The following TMEM131 variants were observed in gnomAD, a reference collection of about 807,000 sequenced individuals.
TMEM131 encodes the protein transmembrane protein 131, also known as 2610524E03Rik.
TMEM131 carries 66 observed loss-of-function variants against 211.6 expected under a neutral mutation model. The ratio of observed to expected loss-of-function variants is 0.31; its 90% CI spans 0.26 to 0.38. The LOEUF is 0.38. Ranked by LOEUF, TMEM131 falls within the 10% of genes least tolerant of loss-of-function variation. The pLI, the probability that TMEM131 is intolerant of heterozygous loss-of-function variation, is 1.00. For missense variants in TMEM131, 2,036 were observed against 2,299.3 expected, an observed-to-expected ratio of 0.89 and a Z score of 2.34; for synonymous variants, 844 against 841.3, an observed-to-expected ratio of 1.00 and a Z score of -0.06.
At chr2:97,816,707 G>A (rs1300986139) in intron 12 of TMEM131, among the ~76,000 whole-genome samples, 1 of 152,112 alleles carries the variant, frequency 6.6e-6, no homozygotes, top group African/African-American at 2.4e-5. Context: ...TCTGACGTAA[G>A]ACTGATTACA....
chr2:97,794,368 A>T (rs567703348), intron 29 of TMEM131, among the ~76,000 whole-genome samples: 1 of 152,154 alleles, frequency 6.6e-6, no homozygotes, highest in Non-Finnish European at 1.5e-5. Flanking sequence ...GCCATCTCAC[A>T]TGGAGGTTTT....
chr2:97,777,078 G>A (rs780979079), intron 31 of TMEM131, among the ~76,000 whole-genome samples: 1 of 152,148 alleles, frequency 6.6e-6, no homozygotes, highest in African/African-American at 2.4e-5. Context: ...TGTGTGCTGG[G>A]AACATAGTAG....
intron 5 of TMEM131, among the ~76,000 whole-genome samples, chr2:97,855,691 C>A (rs1673812222): frequency 7.2e-6 from 1 of 138,152 alleles, no homozygotes; most frequent in African/African-American, 2.8e-5. Flanking sequence ...CAGAGAGAGA[C>A]CCTGTCTCAA....
chr2:97,885,206 T>A (rs1675097614), intron 4 of TMEM131, among the ~76,000 whole-genome samples: 1 of 150,958 alleles, frequency 6.6e-6, no homozygotes, highest in Admixed American at 6.6e-5. Flanking sequence ...TGTGAAAGAT[T>A]TTTTTTTTTG....
chr2:97,918,624 A>G (rs114245156), intron 2 of TMEM131, among the ~76,000 whole-genome samples: 1,694 of 152,248 alleles, frequency 0.011, 37 homozygotes, highest in African/African-American at 0.039. Context: ...AACAACAACA[A>G]AAAGGCGGGT....
intron 10 of TMEM131, among the ~76,000 whole-genome samples, chr2:97,833,801 G>C (rs533598179): frequency 6.6e-6 from 1 of 152,018 alleles, no homozygotes; most frequent in Non-Finnish European, 1.5e-5. Context: ...GGGATTACAG[G>C]CATGTACCAC....
intron 2 of TMEM131, among the ~76,000 whole-genome samples, chr2:97,918,903 C>G (rs1349322359): frequency 6.6e-6 from 1 of 152,206 alleles, no homozygotes; most frequent in Non-Finnish European, 1.5e-5. Context: ...CATGTGATTT[C>G]AGGCAGCATT....
intron 1 of TMEM131, among the ~76,000 whole-genome samples, chr2:97,976,998 A>G (rs534297647): frequency 1.3e-3 from 190 of 150,754 alleles, no homozygotes; most frequent in Non-Finnish European, 2.3e-3. Flanking sequence ...TACAAAACTC[A>G]TATCATATGT....
intron 8 of TMEM131, among the ~76,000 whole-genome samples, chr2:97,835,129 T>C (rs1160979562): frequency 2.6e-5 from 4 of 152,206 alleles, no homozygotes; most frequent in African/African-American, 7.2e-5. Flanking sequence ...CTGTTTAGAA[T>C]TGATGAAATA....
At chr2:97,807,713 T>C (rs1321015744) in intron 19 of TMEM131, among the ~76,000 whole-genome samples, 1 of 152,224 alleles carries the variant, frequency 6.6e-6, no homozygotes, top group Non-Finnish European at 1.5e-5. Flanking sequence ...GGCTTTTCAC[T>C]GTGTCATCTG....
chr2:97,929,293 T>G (rs74506652), intron 1 of TMEM131, among the ~76,000 whole-genome samples: 4 of 151,782 alleles, frequency 2.6e-5, no homozygotes, highest in Non-Finnish European at 5.9e-5. Flanking sequence ...AATGAAGAAG[T>G]ACTAGATGTA....
At position 97,768,825 on chromosome 2, in the gene TMEM131, C is replaced by T. The variant is rs183202455; in HGVS notation, c.4449-2223G>A. Among the ~76,000 whole-genome samples, 11 of 152,260 alleles carry T rather than the reference C, an allele frequency of 7.2e-5. No individual in the cohort carries two copies. In the East Asian group the frequency reaches 1.3e-3, roughly 19 times the overall value. On this transcript the variant is annotated intron_variant, in intron 33 of 40. Coordinates refer to ENST00000186436, the MANE Select transcript of TMEM131 (RefSeq NM_015348.2). ...AGGCTGGTCTCGAAGTCCTGACCTCCGGTGATCTGCCGTCCTTGGCCTCCC... is the reference window on the plus strand; with the variant it reads ...AGGCTGGTCTCGAAGTCCTGACCTCTGGTGATCTGCCGTCCTTGGCCTCCC...
chr2:97,805,461 G>A lies in TMEM131; in HGVS notation c.2209-10C>T. 1 of 1,613,862 alleles carries A rather than the reference G, an allele frequency of 6.2e-7. No individual in the cohort carries two copies. The highest frequency in any genetic ancestry group is 8.5e-7 in the Non-Finnish European group (1 of 1,179,832). ...AATAAATGTTTGCAATCTATAAAGA[G>A]GCACAGGAGAACCATGAATCCCAAA... On this transcript the variant is annotated splice_polypyrimidine_tract_variant and intron_variant, in intron 20 of 40. Coordinates refer to ENST00000186436, the MANE Select transcript of TMEM131 (RefSeq NM_015348.2).
chr2:97,772,379 C>T lies in TMEM131; in HGVS notation c.4366G>A (p.Glu1456Lys). 1 of 1,609,652 alleles carries T rather than the reference C, an allele frequency of 6.2e-7. No individual in the cohort carries two copies. ...TGCTTCACTTGAGACATTTCACTTT[C>T]ATGTTTTTCAGGCATGGCTTGTTTT... ...KGKQAMPEKH[E>K]SEMSQVKQKS... Residue 1456 changes from glutamate to lysine, a missense_variant, in exon 33 of 41, where the codon GAA becomes AAA. By Grantham distance (56) the Glu-to-Lys change is moderately conservative. Coordinates refer to ENST00000186436, the MANE Select transcript of TMEM131 (RefSeq NM_015348.2).
chr2:97,822,179 T>A (rs1055807600), intron 11 of TMEM131, among the ~76,000 whole-genome samples: 3 of 152,168 alleles, frequency 2.0e-5, no homozygotes, highest in African/African-American at 7.2e-5. Flanking sequence ...TGATTTCCAG[T>A]ATAAACTCCA....
intron 1 of TMEM131, among the ~76,000 whole-genome samples, chr2:97,952,108 G>C (rs1252281904): frequency 2.0e-5 from 3 of 150,382 alleles, no homozygotes; most frequent in African/African-American, 7.4e-5. Context: ...AGTGAGCCAA[G>C]ATCACGCCAC....
intron 2 of TMEM131, among the ~76,000 whole-genome samples, chr2:97,925,839 G>A (rs1409568412): frequency 2.6e-5 from 4 of 152,030 alleles, no homozygotes; most frequent in African/African-American, 9.7e-5. Context: ...GGCCGGGCGC[G>A]GTGGCTCACA....
intron 2 of TMEM131, among the ~76,000 whole-genome samples, chr2:97,917,131 C>T (rs574385800): frequency 3.3e-5 from 5 of 152,218 alleles, no homozygotes; most frequent in African/African-American, 9.6e-5. Context: ...ATCTATTAGC[C>T]CATGAGCCAA....
chr2:97,955,990 AT>A (rs1430366862), intron 1 of TMEM131, among the ~76,000 whole-genome samples: 1 of 152,230 alleles, frequency 6.6e-6, no homozygotes, highest in Non-Finnish European at 1.5e-5. Context: ...TTATTCTAAA[AT>A]TTGCATGCAA....
Sources: allele counts gnomAD v4.1 joint callset (sites outside exome capture counted in the v4.1 genomes callset), GRCh38; gene constraint gnomAD v4.1.1; transcripts MANE v1.5; gene names NCBI Gene and HGNC (gene_info 2026-07-23, HGNC 2026-07-21).